The following QTGAL variants were observed in gnomAD, a reference collection of about 807,000 sequenced individuals.
QTGAL encodes queuosine-tRNA galactosyltransferase.
the QTGAL span, among the ~76,000 whole-genome samples, chr17:83,020,706 A>G: frequency 2.0e-5 from 3 of 152,320 alleles, no homozygotes; most frequent in South Asian, 6.2e-4. Flanking sequence ...CAGCGTCTCA[A>G]AGAGTTACTG....
the QTGAL span, among the ~76,000 whole-genome samples, chr17:82,946,120 G>A: frequency 1.2e-3 from 177 of 152,264 alleles, no homozygotes; most frequent in Admixed American, 3.0e-3. Flanking sequence ...AACAGTTAAT[G>A]TATGGGGAAG....
the QTGAL span, among the ~76,000 whole-genome samples, chr17:82,985,764 G>T: frequency 2.0e-5 from 3 of 152,212 alleles, no homozygotes; most frequent in African/African-American, 7.2e-5. Flanking sequence ...CTTCCACAAT[G>T]AATATGGAAT....
the QTGAL span, among the ~76,000 whole-genome samples, chr17:83,013,334 G>A: frequency 6.1e-5 from 9 of 148,196 alleles, no homozygotes; most frequent in South Asian, 2.2e-4. Context: ...CCGTGCAGCC[G>A]GCTGCACCCC....
the QTGAL span, among the ~76,000 whole-genome samples, chr17:82,987,506 G>A: frequency 6.6e-6 from 1 of 152,190 alleles, no homozygotes; most frequent in Admixed American, 6.5e-5. Context: ...TAAAGAAATA[G>A]CTCCTGTCAT....
At chr17:82,971,652 C>G in the QTGAL span, among the ~76,000 whole-genome samples, 59 of 113,500 alleles carry the variant, frequency 5.2e-4, 2 homozygotes, top group African/African-American at 1.8e-3. Flanking sequence ...GCCGACCACA[C>G]CACACCACAG....
the QTGAL span, among the ~76,000 whole-genome samples, chr17:82,984,135 A>G: frequency 9.8e-6 from 1 of 102,220 alleles, no homozygotes; most frequent in African/African-American, 4.8e-5. Flanking sequence ...AGGCCACGTG[A>G]GGACGTGGGG....
chr17:83,014,518 T>A, the QTGAL span: 1 of 1,613,920 alleles, frequency 6.2e-7, no homozygotes, highest in Admixed American at 1.7e-5. Context: ...CATGACGTCA[T>A]CCTGCAGTAA....
the QTGAL span, among the ~76,000 whole-genome samples, chr17:82,988,494 A>G: frequency 1.3e-5 from 2 of 152,258 alleles, no homozygotes; most frequent in Non-Finnish European, 2.9e-5. Context: ...AACAAAAGCA[A>G]AATTGACAAA....
At chr17:83,035,079 C>A in the QTGAL span, 1 of 1,612,588 alleles carries the variant, frequency 6.2e-7, no homozygotes, top group East Asian at 2.2e-5. Context: ...TGGGCAACTG[C>A]TTGATTTTTA....
the QTGAL span, among the ~76,000 whole-genome samples, chr17:83,026,032 G>T: frequency 6.6e-6 from 1 of 152,196 alleles, no homozygotes; most frequent in Non-Finnish European, 1.5e-5. Context: ...AGGGGAAAGA[G>T]AAATGAGCAA....
chr17:83,022,438 AGC>A, the QTGAL span, among the ~76,000 whole-genome samples: 2 of 64,984 alleles, frequency 3.1e-5, no homozygotes, highest in East Asian at 5.8e-4. Context: ...CACCTGCACC[AGC>A]GTGAACTCAC....
At chr17:83,013,474 C>G in the QTGAL span, among the ~76,000 whole-genome samples, 1 of 144,048 alleles carries the variant, frequency 6.9e-6, no homozygotes, top group Admixed American at 6.8e-5. Context: ...CCCAGGCCCT[C>G]CCCTTCAGAC....
the QTGAL span, among the ~76,000 whole-genome samples, chr17:83,029,056 G>C: frequency 3.3e-5 from 5 of 152,258 alleles, no homozygotes; most frequent in African/African-American, 1.2e-4. Context: ...AGTCAGGGCA[G>C]TGGCTGCCGT....
chr17:82,991,397 T>C, the QTGAL span, among the ~76,000 whole-genome samples: 1 of 152,216 alleles, frequency 6.6e-6, no homozygotes, highest in Non-Finnish European at 1.5e-5. Flanking sequence ...CAAGATCTGA[T>C]GGTTTTACAT....
the QTGAL span, among the ~76,000 whole-genome samples, chr17:83,050,717 C>T: frequency 6.6e-6 from 1 of 152,302 alleles, no homozygotes; most frequent in East Asian, 1.9e-4. Flanking sequence ...TGCCGGAGCA[C>T]GGGGAAGGTG....
chr17:83,005,052 G>A, the QTGAL span: 1 of 1,359,848 alleles, frequency 7.4e-7, no homozygotes, highest in Non-Finnish European at 1.0e-6. The surrounding 1 kb of genome is among the most constrained non-coding windows in gnomAD (Gnocchi z 5.6). Flanking sequence ...ACAGCATAAT[G>A]CATGAGATGG....
the QTGAL span, among the ~76,000 whole-genome samples, chr17:82,999,260 A>G: frequency 6.6e-6 from 1 of 150,870 alleles, no homozygotes; most frequent in African/African-American, 2.4e-5. Flanking sequence ...AAAGGCTTGT[A>G]CATATGTTCA....
At chr17:82,986,938 C>G in the QTGAL span, among the ~76,000 whole-genome samples, 4 of 152,156 alleles carry the variant, frequency 2.6e-5, no homozygotes, top group African/African-American at 7.2e-5. Flanking sequence ...TGGCTGCCCC[C>G]GCTCCTCCCT....
At chr17:83,035,119 A>G in the QTGAL span, 6 of 1,599,404 alleles carry the variant, frequency 3.8e-6, no homozygotes, top group Admixed American at 1.7e-5. Context: ...AAAGAAGAGC[A>G]AAACTCTTTT....
Sources: allele counts gnomAD v4.1 joint callset (sites outside exome capture counted in the v4.1 genomes callset), GRCh38; gene constraint gnomAD v4.1.1; non-coding constraint Gnocchi (gnomAD v3.1); transcripts MANE v1.5; gene names NCBI Gene and HGNC (gene_info 2026-07-23, HGNC 2026-07-21).